ARHGAP15: variants seen among roughly 807,000 people sequenced by gnomAD.
ARHGAP15 encodes the protein Rho GTPase activating protein 15, also known as rho GTPase-activating protein 15.
A neutral mutation model predicts 63.7 loss-of-function variants in ARHGAP15; 51 were observed. The ratio of observed to expected loss-of-function variants is 0.80; its 90% CI spans 0.64 to 1.01. The LOEUF (loss-of-function observed/expected upper bound fraction) is 1.01. Ranked by LOEUF, ARHGAP15 falls within the 50% of genes least tolerant of loss-of-function variation. The pLI is 0.00. For missense variants in ARHGAP15, 560 were observed against 564.6 expected (o/e 0.99, Z 0.08); for synonymous variants, 191 against 193.8 (o/e 0.99, Z 0.12).
At chr2:143,486,118 T>C (rs68089171) in intron 8 of ARHGAP15, among the ~76,000 whole-genome samples, 40,109 of 151,984 alleles carry the variant, frequency 0.26, 6,074 homozygotes, top group East Asian at 0.71. Flanking sequence ...CTGGACCAGG[T>C]AGATTTTCAA....
At chr2:143,308,708 G>A (rs1033954119) in intron 6 of ARHGAP15, among the ~76,000 whole-genome samples, 8 of 151,974 alleles carry the variant, frequency 5.3e-5, no homozygotes, top group Admixed American at 1.3e-4. Flanking sequence ...AGAAGTGCAC[G>A]TTAGTTATTT....
At chr2:143,277,840 T>C (rs1681636895) in intron 6 of ARHGAP15, among the ~76,000 whole-genome samples, 1 of 152,118 alleles carries the variant, frequency 6.6e-6, no homozygotes. Context: ...TAGAGAAAAG[T>C]ACAGAGAATA....
intron 8 of ARHGAP15, among the ~76,000 whole-genome samples, chr2:143,474,066 T>C (rs948002782): frequency 1.3e-5 from 2 of 152,164 alleles, no homozygotes; most frequent in Non-Finnish European, 2.9e-5. Flanking sequence ...TATTCCCTCC[T>C]AGCTTAGGCT....
chr2:143,236,547 G>T (rs539398525), intron 5 of ARHGAP15: 2 of 152,236 alleles, frequency 1.3e-5, no homozygotes, highest in African/African-American at 4.8e-5. Flanking sequence ...AATGGATGTT[G>T]GTAGTTGTCC....
chr2:143,309,438 A>G (rs1683333839), intron 6 of ARHGAP15, among the ~76,000 whole-genome samples: 1 of 152,028 alleles, frequency 6.6e-6, no homozygotes, highest in African/African-American at 2.4e-5. Flanking sequence ...ACTTACTTGG[A>G]TAGTTATTTA....
At chr2:143,643,741 A>G (rs1387900623) in intron 12 of ARHGAP15, among the ~76,000 whole-genome samples, 1 of 152,130 alleles carries the variant, frequency 6.6e-6, no homozygotes, top group African/African-American at 2.4e-5. Flanking sequence ...AACTTTATGT[A>G]AAAGATTACA....
chr2:143,256,083 A>C (rs1680410549), intron 6 of ARHGAP15, among the ~76,000 whole-genome samples: 2 of 152,268 alleles, frequency 1.3e-5, no homozygotes, highest in South Asian at 4.1e-4. Context: ...CACACCAAGG[A>C]AATAAGAGAT....
At chr2:143,498,608 A>G (rs1159661244) in intron 9 of ARHGAP15, among the ~76,000 whole-genome samples, 1 of 152,218 alleles carries the variant, frequency 6.6e-6, no homozygotes, top group Non-Finnish European at 1.5e-5. Context: ...AAAAGTACAT[A>G]AAAGAGTTCT....
chr2:143,462,191 A>C (rs556833050), intron 8 of ARHGAP15, among the ~76,000 whole-genome samples: 2 of 152,250 alleles, frequency 1.3e-5, no homozygotes, highest in East Asian at 3.9e-4. Flanking sequence ...TACCAGGTGC[A>C]CATGATATGT....
At chr2:143,765,682 A>G (rs1686923981) in intron 13 of ARHGAP15, among the ~76,000 whole-genome samples, 1 of 152,212 alleles carries the variant, frequency 6.6e-6, no homozygotes, top group South Asian at 2.1e-4. Context: ...CCTTCTTACG[A>G]TGGATCGTAT....
chr2:143,305,125 A>G (rs1683109061), intron 6 of ARHGAP15, among the ~76,000 whole-genome samples: 1 of 152,094 alleles, frequency 6.6e-6, no homozygotes, highest in South Asian at 2.1e-4. Flanking sequence ...GCATATATAC[A>G]CCATTGGAAT....
intron 11 of ARHGAP15, among the ~76,000 whole-genome samples, chr2:143,574,882 A>G (rs541425164): frequency 1.3e-5 from 2 of 152,306 alleles, no homozygotes; most frequent in South Asian, 4.1e-4. Context: ...CCCTCTGGAT[A>G]AAATGTGTTA....
chr2:143,355,094 G>T (rs1259747368), intron 6 of ARHGAP15, among the ~76,000 whole-genome samples: 1 of 152,140 alleles, frequency 6.6e-6, no homozygotes. Flanking sequence ...TACCTAAACT[G>T]TCTCCAGTTT....
chr2:143,654,375 A>G (rs1019313972), intron 12 of ARHGAP15, among the ~76,000 whole-genome samples: 1 of 152,180 alleles, frequency 6.6e-6, no homozygotes, highest in Admixed American at 6.5e-5. Context: ...AACTTACTCA[A>G]AAAGGAGTTG....
chr2:143,186,044 A>T (rs1275452466), intron 2 of ARHGAP15, among the ~76,000 whole-genome samples: 1 of 152,176 alleles, frequency 6.6e-6, no homozygotes, highest in African/African-American at 2.4e-5. Flanking sequence ...GCTTCTGTTG[A>T]GTTTGTGGCT....
At chr2:143,667,471 G>A (rs1001733785) in intron 12 of ARHGAP15, among the ~76,000 whole-genome samples, 24 of 147,744 alleles carry the variant, frequency 1.6e-4, no homozygotes, top group African/African-American at 5.5e-4. Context: ...CCTAATGCTA[G>A]ATGACGAGTT....
intron 9 of ARHGAP15, among the ~76,000 whole-genome samples, chr2:143,489,068 G>A (rs778914464): frequency 2.0e-5 from 3 of 152,152 alleles, no homozygotes; most frequent in Non-Finnish European, 2.9e-5. Flanking sequence ...CTGCCATCTT[G>A]AAAAATATAA....
At chr2:143,492,568 G>A (rs1692630681) in intron 9 of ARHGAP15, among the ~76,000 whole-genome samples, 1 of 150,324 alleles carries the variant, frequency 6.7e-6, no homozygotes, top group African/African-American at 2.5e-5. Flanking sequence ...GATGAGCCTG[G>A]GCACGATAAA....
At chr2:143,388,483 G>A (rs1022068642) in intron 6 of ARHGAP15, among the ~76,000 whole-genome samples, 1 of 152,198 alleles carries the variant, frequency 6.6e-6, no homozygotes, top group Non-Finnish European at 1.5e-5. Flanking sequence ...ATGGGAGAGA[G>A]ACAGCACAAA....
Sources: gnomAD v4.1 joint callset for allele counts (sites outside exome capture counted in the v4.1 genomes callset) on GRCh38, gnomAD v4.1.1 for gene constraint, MANE v1.5 for transcripts, NCBI Gene and HGNC (gene_info 2026-07-23, HGNC 2026-07-21) for gene names.